IRS2: variants seen among roughly 807,000 people sequenced by gnomAD.
IRS2 encodes insulin receptor substrate 2.
Under a neutral mutation model 70.9 loss-of-function variants are expected in IRS2, and 28 were observed. The ratio of observed to expected loss-of-function variants is 0.39; its 90% CI spans 0.29 to 0.54. The LOEUF (loss-of-function observed/expected upper bound fraction) is 0.54, where lower values mean the gene tolerates loss of function less well. Among genes scored for constraint, IRS2 ranks in the 20% least tolerant of loss-of-function variants. The pLI is 0.59. For synonymous variants in IRS2, 1,217 were observed against 981.9 expected (o/e 1.24, Z -4.48); for missense variants, 2,081 against 2,024.1 (o/e 1.03, Z -0.54).
intron 1 of IRS2, among the ~76,000 whole-genome samples, chr13:109,776,080 T>C (rs1271373000): frequency 7.0e-6 from 1 of 142,954 alleles, no homozygotes; most frequent in East Asian, 2.1e-4. Flanking sequence ...ACCCGGGAGG[T>C]GGACGTTGCA....
rs1314155082 is a variant in IRS2, at chr13:109,782,331, T to A, written c.3723A>T (p.Arg1241Ser). The A allele has an allele frequency of 6.2e-7, 1 of 1,611,596 alleles. No homozygotes were observed. The highest frequency in any genetic ancestry group is 1.3e-5 in the African/African-American group (1 of 74,876). The change falls in exon 1 of 2, where the codon AGA becomes AGT. Residue 1241 changes from arginine (R) to serine (S), a missense_variant. By Grantham distance (110) the Arg-to-Ser change is moderately radical. Around this residue, in one of 4 missense-constraint regions of IRS2, gnomAD observed 1,615 missense variants for 1,459.5 expected, o/e 1.11. Transcript: ENST00000375856. ...CPGSGGSPMR[R>S]ETSAGFQNGL... is the part of the protein sequence containing the mutation. ...CATTCTGGAAGCCGGCAGAGGTCTCTCTGCGCATGGGCGATCCACCGCTCC... is the reference window on the plus strand; with the variant it reads ...CATTCTGGAAGCCGGCAGAGGTCTCACTGCGCATGGGCGATCCACCGCTCC...
At chr13:109,777,758 T>C (rs1033135677) in intron 1 of IRS2, among the ~76,000 whole-genome samples, 1 of 152,200 alleles carries the variant, frequency 6.6e-6, no homozygotes, top group African/African-American at 2.4e-5. Flanking sequence ...AAACCAGTAA[T>C]AAAAGGTAAT....
rs779681200 is a variant in IRS2 at position 109,784,393 on chromosome 13, C to T, written c.1661G>A (p.Arg554His). The change falls in exon 1 of 2, where the codon CGC (arginine) becomes CAC (histidine). Residue 554 changes from arginine to histidine, a missense_variant. By Grantham distance (29) the Arg-to-His change is conservative. Around this residue, in one of 4 missense-constraint regions of IRS2, gnomAD observed 1,615 missense variants for 1,459.5 expected, o/e 1.11. Transcript: ENST00000375856. This position sits in a 1 kb window ranked among gnomAD's most constrained non-coding sequence, Gnocchi z 5.2. Reference sequence around the variant, plus strand: ...GTCCCCCGAGACCCGGCGGTAGGAGCGGCCACAGTGGCTCAGGGGCCTGTC... The same window carrying T: ...GTCCCCCGAGACCCGGCGGTAGGAGTGGCCACAGTGGCTCAGGGGCCTGTC... ...TMDRPLSHCG[R>H]SYRRVSGDAA... 9.9e-6 allele frequency: 16 copies of T among 1,610,486 alleles called. No homozygotes were observed. Among genetic ancestry groups the T allele is most frequent in the African/African-American group, 1.3e-5 (1 of 74,994 alleles).
At chr13:109,756,545 G>C (rs1877110512) in intron 1 of IRS2, among the ~76,000 whole-genome samples, 2 of 152,182 alleles carry the variant, frequency 1.3e-5, no homozygotes, top group African/African-American at 4.8e-5. Context: ...TAGACAGTTA[G>C]GTTCGTATTT....
chr13:109,764,117 G>A (rs1877285342), intron 1 of IRS2, among the ~76,000 whole-genome samples: 1 of 152,162 alleles, frequency 6.6e-6, no homozygotes, highest in South Asian at 2.1e-4. Flanking sequence ...CTGAAGCGCA[G>A]GCTCTCTTTG....
In IRS2 at chr13:109,754,247, T is replaced by A. The variant is rs540462461; in HGVS notation, c.*2057A>T. The A allele has an allele frequency of 3.3e-4, 76 of 230,554 alleles. 1 individual carries two copies. Among genetic ancestry groups the A allele is most frequent in the Admixed American group, 5.6e-4 (10 of 17,704 alleles). 14.3% of individuals were successfully genotyped at this position (230,554 alleles called of 1,614,324 possible). On this transcript the variant is annotated 3_prime_UTR_variant, in exon 2 of 2. Coordinates refer to ENST00000375856, the MANE Select transcript of IRS2 (RefSeq NM_003749.3). ...TCCATTCTGTAAACTAAATTAAAAATGTAAATATTGCATATGCCTTTTTGT... is the reference window on the plus strand; with the variant it reads ...TCCATTCTGTAAACTAAATTAAAAAAGTAAATATTGCATATGCCTTTTTGT...
Position 109,753,540 on chromosome 13 carries a change from T to C in IRS2, c.*2764A>G, listed in dbSNP as rs1262633317. The C allele has an allele frequency of 6.5e-6, 1 of 153,522 alleles. No homozygotes were observed. The highest frequency in any genetic ancestry group is 1.5e-5 in the Non-Finnish European group (1 of 68,760). 9.5% of individuals were successfully genotyped at this position (153,522 alleles called of 1,614,324 possible). ...CAATTCTTACCTCCTAAGATTGTCA[T>C]GAGCTATCAAGAAGTTAATATTTGT... is the stretch of plus-strand genomic sequence containing the variant. On this transcript the variant is annotated 3_prime_UTR_variant, in exon 2 of 2. Transcript: ENST00000375856.
rs1244037424 is a variant in IRS2 at position 109,785,298 on chromosome 13, G to A, written c.756C>T (p.Asp252=). Residue 252 remains aspartate, a synonymous_variant, in exon 1 of 2, where the codon GAC becomes GAT. Transcript: ENST00000375856. The surrounding 1 kb of genome is among the most constrained non-coding windows in gnomAD (Gnocchi z 9.3). The part of the protein sequence containing the change: ...LMNIRRCGHS[D]SFFFIEVGRS... ...GGCCCACCTCGATGAAGAAGAAGCTGTCCGAGTGGCCGCAGCGGCGGATGT... is the reference window on the plus strand; with the variant it reads ...GGCCCACCTCGATGAAGAAGAAGCTATCCGAGTGGCCGCAGCGGCGGATGT... 4 of 1,609,246 alleles carry A rather than the reference G, an allele frequency of 2.5e-6. No homozygotes were observed. The highest frequency in any genetic ancestry group is 2.7e-5 in the African/African-American group (2 of 74,768).
At chr13:109,779,791 T>C (rs1401366536) in intron 1 of IRS2, among the ~76,000 whole-genome samples, 1 of 152,294 alleles carries the variant, frequency 6.6e-6, no homozygotes, top group East Asian at 1.9e-4. Flanking sequence ...CAGTGATCTC[T>C]CATCTTTGTT....
rs1877050048 is a variant in IRS2 at position 109,753,989 on chromosome 13, G to C, written c.*2315C>G. 4.3e-6 allele frequency: 1 copy of C among 232,278 alleles called. No individual in the cohort carries two copies. The highest frequency in any genetic ancestry group is 5.6e-5 in the Admixed American group (1 of 17,764). 14.4% of individuals were successfully genotyped at this position (232,278 alleles called of 1,614,324 possible). The stretch of plus-strand genomic sequence containing the variant: ...TTGACCCCTATATACAGCGTGTACA[G>C]TGGAAGACAGAGCAAGATAAGTTAA... On this transcript the variant is annotated 3_prime_UTR_variant, in exon 2 of 2. Coordinates refer to ENST00000375856, the MANE Select transcript of IRS2 (RefSeq NM_003749.3).
rs762132376 is a variant in IRS2 at position 109,783,631 on chromosome 13, C to G, written c.2423G>C (p.Arg808Pro). 1 of 1,549,872 alleles carries G rather than the reference C, an allele frequency of 6.5e-7. No homozygotes were observed. Among genetic ancestry groups the G allele is most frequent in the Admixed American group, 1.9e-5 (1 of 51,454 alleles). ...VPGCCYSSLP[R>P]SYKAPYTCGG... ...ACAGGTGTAGGGGGCCTTGTAGGAG[C>G]GGGGCAAGGAGCTGTAGCAGCAGCC... The change falls in exon 1 of 2, where the codon CGC becomes CCC. Residue 808 changes from arginine (R) to proline (P), a missense_variant. This residue lies in a region of IRS2 where 1,615 missense variants were observed against 1,459.5 expected (regional missense o/e 1.11). Transcript: ENST00000375856.
chr13:109,756,156 A>AAC lies in IRS2; in HGVS notation c.*146_*147dup. On this transcript the variant is annotated 3_prime_UTR_variant, in exon 2 of 2. Coordinates refer to ENST00000375856, the MANE Select transcript of IRS2 (RefSeq NM_003749.3). ...ACCTTGCCTTGTTGGTGCCTCATCT[A>AAC]ACAGAGTCCACAGATGTTTCCAAAC... The AAC allele has an allele frequency of 1.4e-6, 1 of 728,546 alleles. No homozygotes were observed. Among genetic ancestry groups the AAC allele is most frequent in the Non-Finnish European group, 2.5e-6 (1 of 405,406 alleles). 45.1% of individuals were successfully genotyped at this position (728,546 alleles called of 1,614,324 possible). A position where few individuals can be genotyped will look rare whatever the true frequency, so the allele number is the denominator to read the frequency against.
At chr13:109,765,887 A>G (rs866920544) in intron 1 of IRS2, among the ~76,000 whole-genome samples, 33 of 57,648 alleles carry the variant, frequency 5.7e-4, no homozygotes, top group African/African-American at 1.2e-3. Flanking sequence ...CCTTGGCTCC[A>G]ACTCCCCACC....
At chr13:109,780,209 T>G (rs1266063608) in intron 1 of IRS2, among the ~76,000 whole-genome samples, 2 of 152,250 alleles carry the variant, frequency 1.3e-5, no homozygotes, top group Non-Finnish European at 2.9e-5. Context: ...TTTACTTTCA[T>G]GTTCACTCTG....
In IRS2 at chr13:109,755,205, C is replaced by A; in HGVS notation, c.*1099G>T. 1 of 200,648 alleles carries A rather than the reference C, an allele frequency of 5.0e-6. No homozygotes were observed. The highest frequency in any genetic ancestry group is 6.5e-5 in the East Asian group (1 of 15,396). The allele number at this position is 200,648 out of a possible 1,614,324, so 12.4% of individuals were successfully genotyped here. A position where few individuals can be genotyped will look rare whatever the true frequency, so the allele number is the denominator to read the frequency against. On this transcript the variant is annotated 3_prime_UTR_variant, in exon 2 of 2. Coordinates refer to ENST00000375856, the MANE Select transcript of IRS2 (RefSeq NM_003749.3). ...CTGGAATGCCTCTTTTTATCAGTTT[C>A]TTTCTTTCCTTTTTTTTTTTTCTTT...
At chr13:109,775,931 C>T (rs1314299018) in intron 1 of IRS2, among the ~76,000 whole-genome samples, 7 of 152,040 alleles carry the variant, frequency 4.6e-5, no homozygotes, top group African/African-American at 1.2e-4. Flanking sequence ...GGGAAGATCA[C>T]GGGGTCAGGA....
intron 1 of IRS2, among the ~76,000 whole-genome samples, chr13:109,775,637 T>G (rs985687009): frequency 2.6e-5 from 4 of 152,022 alleles, no homozygotes; most frequent in African/African-American, 4.8e-5. Flanking sequence ...TAGACTATGC[T>G]TAAGTTATAA....
In IRS2 at chr13:109,766,783, C is replaced by A. The variant is rs1035913721; in HGVS notation, c.4013-10475G>T. Among the ~76,000 whole-genome samples, 6 of 151,160 alleles carry A rather than the reference C, an allele frequency of 4.0e-5. No homozygotes were observed. In the East Asian group the frequency reaches 1.2e-3, roughly 30 times the overall value. Reference sequence around the variant, plus strand: ...ACCCTGACTCCAACTCCCCACCAAGCATGTAGATATCCCAGCCTCATCCAC... The same window carrying A: ...ACCCTGACTCCAACTCCCCACCAAGAATGTAGATATCCCAGCCTCATCCAC... On this transcript the variant is annotated intron_variant, in intron 1 of 1. Transcript: ENST00000375856.
In IRS2 at chr13:109,764,859, C is replaced by T. The variant is rs188609424; in HGVS notation, c.4013-8551G>A. On this transcript the variant is annotated intron_variant, in intron 1 of 1. Coordinates refer to ENST00000375856, the MANE Select transcript of IRS2 (RefSeq NM_003749.3). The stretch of plus-strand genomic sequence containing the variant: ...CAAATTGCTCCTAAAATAAAATGAA[C>T]AAACTTGTTTTAATTGGACAGAAGT... 1.2e-4 allele frequency among the ~76,000 whole-genome samples: 19 copies of T among 152,294 alleles called. No individual in the cohort carries two copies. The East Asian group carries it at 3.5e-3, about 28-fold the overall frequency.
Sources: allele counts gnomAD v4.1 joint callset (sites outside exome capture counted in the v4.1 genomes callset), GRCh38; gene constraint gnomAD v4.1.1; regional missense constraint gnomAD v4.1.1; non-coding constraint Gnocchi (gnomAD v3.1); transcripts MANE v1.5; gene names NCBI Gene and HGNC (gene_info 2026-07-23, HGNC 2026-07-21).